The following BAIAP2 variants were observed in gnomAD, a reference collection of about 807,000 sequenced individuals.
BAIAP2 encodes the protein BAR/IMD domain containing adaptor protein 2.
A neutral mutation model predicts 63.0 loss-of-function variants in BAIAP2; 18 were observed. The ratio of observed to expected loss-of-function variants is 0.29; its 90% CI spans 0.20 to 0.42. The LOEUF (loss-of-function observed/expected upper bound fraction) is 0.42, where lower values mean the gene tolerates loss of function less well. BAIAP2 is among the 10% of genes least tolerant of loss of function. The pLI is 1.00. For synonymous variants in BAIAP2, 386 were observed against 307.6 expected (o/e 1.25, Z -2.67); for missense variants, 610 against 734.3 (o/e 0.83, Z 1.96).
chr17:81,110,728 A>G (rs2059823169), intron 13 of BAIAP2, among the ~76,000 whole-genome samples: 1 of 152,248 alleles, frequency 6.6e-6, no homozygotes, highest in East Asian at 1.9e-4. Flanking sequence ...GGCTCCCTCC[A>G]GGCCCGCAAG....
chr17:81,038,690 C>T lies in BAIAP2; in HGVS notation c.54+3382C>T, dbSNP rs375818897. On this transcript the variant is annotated intron_variant, in intron 1 of 13. Transcript: ENST00000428708. ...GTAAGGGCTGGCGCCAGGTGGTGGGCGTCATGTGCTGGGTGGCAGGGAGCA... is the reference window on the plus strand; with the variant it reads ...GTAAGGGCTGGCGCCAGGTGGTGGGTGTCATGTGCTGGGTGGCAGGGAGCA... Among the ~76,000 whole-genome samples, 29 of 152,334 alleles carry T rather than the reference C, an allele frequency of 1.9e-4. 1 individual carries two copies. In the East Asian group the frequency reaches 4.2e-3, roughly 22 times the overall value.
chr17:81,039,130 CTG>C (rs1360441744), intron 1 of BAIAP2, among the ~76,000 whole-genome samples: 2 of 152,240 alleles, frequency 1.3e-5, no homozygotes, highest in Admixed American at 1.3e-4. Flanking sequence ...ATGTGCATGT[CTG>C]TGTTACCCGC....
At chr17:81,045,694 G>A (rs2047703261) in intron 1 of BAIAP2, among the ~76,000 whole-genome samples, 1 of 152,170 alleles carries the variant, frequency 6.6e-6, no homozygotes, top group African/African-American at 2.4e-5. Flanking sequence ...CCATGGCCAG[G>A]CTGCCCAGGG....
intron 6 of BAIAP2, among the ~76,000 whole-genome samples, chr17:81,093,772 A>G (rs562336252): frequency 1.3e-4 from 20 of 152,218 alleles, no homozygotes; most frequent in Admixed American, 9.1e-4. Context: ...AAGGGTGTAT[A>G]ATTAACACAG....
intron 2 of BAIAP2, chr17:81,056,624 G>T (rs36063447): frequency 0.12 from 18,810 of 152,636 alleles, 1,289 homozygotes; most frequent in African/African-American, 0.14. Context: ...CGTGGGTTCC[G>T]TTCGGGCCTT....
intron 3 of BAIAP2, chr17:81,083,498 C>G (rs928184366): frequency 6.6e-6 from 1 of 152,246 alleles, no homozygotes; most frequent in Non-Finnish European, 1.5e-5. Context: ...GGCCCCTCCT[C>G]TGCAGACCAG....
Position 81,103,978 on chromosome 17 carries a change from G to A in BAIAP2, c.936G>A (p.Pro312=), listed in dbSNP as rs781015961. The change falls in exon 9 of 14, where the codon CCG becomes CCA. Residue 312 remains proline, a synonymous_variant. Coordinates refer to ENST00000428708, the MANE Select transcript of BAIAP2 (RefSeq NM_001144888.2). Reference sequence around the variant, plus strand: ...GCCCGGATGGCGAGGACTACAGCCCGTGGGCTGACCGCAAGGCTGCCCAGC... The same window carrying A: ...GCCCGGATGGCGAGGACTACAGCCCATGGGCTGACCGCAAGGCTGCCCAGC... ...VTGPDGEDYS[P]WADRKAAQPK... 25 of 1,612,974 alleles carry A rather than the reference G, an allele frequency of 1.5e-5. No individual in the cohort carries two copies. Among genetic ancestry groups the A allele is most frequent in the Non-Finnish European group, 1.9e-5 (22 of 1,180,026 alleles).
At chr17:81,086,119 G>A (rs966187902) in intron 5 of BAIAP2, among the ~76,000 whole-genome samples, 2 of 151,510 alleles carry the variant, frequency 1.3e-5, no homozygotes, top group Admixed American at 6.6e-5. Flanking sequence ...GGCACTGCTT[G>A]AGGGTTTGAG....
At chr17:81,099,503 C>T in intron 6 of BAIAP2, among the ~76,000 whole-genome samples, 1 of 152,280 alleles carries the variant, frequency 6.6e-6, no homozygotes, top group South Asian at 2.1e-4. Context: ...CTCCAGGCAA[C>T]AGGGGGAAGG....
At chr17:81,084,227 TATCCC>T (rs1477705690) in intron 3 of BAIAP2, among the ~76,000 whole-genome samples, 16 of 152,162 alleles carry the variant, frequency 1.1e-4, no homozygotes, top group Admixed American at 2.0e-4. Flanking sequence ...CTGGTGAGCC[TATCCC>T]ATGGGGCCAG....
chr17:81,111,045 G>C lies in BAIAP2; in HGVS notation c.1535+2536G>C, dbSNP rs188568858. ...CTGGCCTCAGTCACGCAGCCTGGGT[G>C]GGGAGGGCCCGGCTGCATGGCGGGG... On this transcript the variant is annotated intron_variant, in intron 13 of 13. Coordinates refer to ENST00000428708, the MANE Select transcript of BAIAP2 (RefSeq NM_001144888.2). The C allele has an allele frequency of 3.3e-4, 502 of 1,540,880 alleles. No homozygotes were observed. The East Asian group carries it at 6.2e-3, about 19-fold the overall frequency.
chr17:81,064,682 C>T (rs1314872152), intron 3 of BAIAP2, among the ~76,000 whole-genome samples: 1 of 152,120 alleles, frequency 6.6e-6, no homozygotes, highest in African/African-American at 2.4e-5. Flanking sequence ...TCAGAGCCGG[C>T]CTTTGGTGAT....
chr17:81,054,752 T>C (rs562730845), intron 2 of BAIAP2, among the ~76,000 whole-genome samples: 80 of 152,278 alleles, frequency 5.3e-4, no homozygotes, highest in African/African-American at 1.8e-3. Context: ...ACTGTCTCCC[T>C]GAGACGCTTC....
At chr17:81,105,951 C>T (rs2059133293) in intron 10 of BAIAP2, 127 bp from the exon 11 acceptor site, 2 of 764,982 alleles carry the variant, frequency 2.6e-6, no homozygotes, top group South Asian at 1.7e-5. Context: ...AGCACTGTCT[C>T]TGTTGCTCCA....
At chr17:81,072,274 ATG>A (rs1173019411) in intron 3 of BAIAP2, among the ~76,000 whole-genome samples, 1 of 152,154 alleles carries the variant, frequency 6.6e-6, no homozygotes, top group Non-Finnish European at 1.5e-5. Context: ...GTCCACAACA[ATG>A]TTCCTTGATT....
rs1407530525 is a variant in BAIAP2 at position 81,035,160 on chromosome 17, G to A, written c.-95G>A. On this transcript the variant is annotated 5_prime_UTR_variant, in exon 1 of 14. Transcript: ENST00000428708. The stretch of plus-strand genomic sequence containing the variant: ...CCGGACGCCGGGCTCTGTGGTTCGG[G>A]TCCGCTTTCGTCTCCGTCCTGCTGC... The A allele has an allele frequency of 8.5e-6, 9 of 1,054,522 alleles. No individual in the cohort carries two copies. In the East Asian group the frequency reaches 2.2e-4, roughly 26 times the overall value. The allele number at this position is 1,054,522 out of a possible 1,614,324, so 65.3% of individuals were successfully genotyped here. A position where few individuals can be genotyped will look rare whatever the true frequency, so the allele number is the denominator to read the frequency against.
chr17:81,068,332 G>A (rs1290158853), intron 3 of BAIAP2, among the ~76,000 whole-genome samples: 1 of 152,246 alleles, frequency 6.6e-6, no homozygotes, highest in African/African-American at 2.4e-5. Context: ...CCACGCCCAT[G>A]GCAGGGGTCT....
At chr17:81,093,833 C>T (rs541728773) in intron 6 of BAIAP2, among the ~76,000 whole-genome samples, 99 of 152,280 alleles carry the variant, frequency 6.5e-4, no homozygotes, top group African/African-American at 2.2e-3. Context: ...ATAGCAGGGC[C>T]GGTGATCGCC....
chr17:81,060,090 G>T (rs970223528), intron 3 of BAIAP2, among the ~76,000 whole-genome samples: 1 of 152,170 alleles, frequency 6.6e-6, no homozygotes, highest in African/African-American at 2.4e-5. Flanking sequence ...TCCTCCTGGA[G>T]CGTGGAGCCC....
Sources: allele counts gnomAD v4.1 joint callset (sites outside exome capture counted in the v4.1 genomes callset), GRCh38; gene constraint gnomAD v4.1.1; transcripts MANE v1.5; gene names NCBI Gene and HGNC (gene_info 2026-07-23, HGNC 2026-07-21).